The following CHD7 variants were observed in gnomAD, a reference collection of about 807,000 sequenced individuals.
CHD7 encodes chromodomain helicase DNA binding protein 7, also known as ATP-dependent chromatin remodeler CHD7.
CHD7 carries 24 observed loss-of-function variants against 307.3 expected under a neutral mutation model. That is an observed-to-expected ratio of 0.08 (90% CI 0.06 to 0.11). CHD7 has a LOEUF of 0.11. Among genes scored for constraint, CHD7 ranks in the 10% least tolerant of loss-of-function variants. The pLI is 1.00. For missense variants in CHD7, 3,106 were observed against 3,727.1 expected, an observed-to-expected ratio of 0.83 and a Z score of 4.34; for synonymous variants, 1,363 against 1,349.9, an observed-to-expected ratio of 1.01 and a Z score of -0.21.
intron 3 of CHD7, among the ~76,000 whole-genome samples, chr8:60,784,320 T>G (rs1044815464): frequency 1.9e-4 from 29 of 152,322 alleles, no homozygotes; most frequent in African/African-American, 7.0e-4. Context: ...ATGAATTTGT[T>G]TATACAGAAA....
At chr8:60,707,670 C>T (rs996601283) in intron 1 of CHD7, among the ~76,000 whole-genome samples, 1 of 152,142 alleles carries the variant, frequency 6.6e-6, no homozygotes, top group Non-Finnish European at 1.5e-5. Context: ...CTGACACATC[C>T]TATGTACATT....
chr8:60,711,753 GATA>G (rs1454096902), intron 1 of CHD7, among the ~76,000 whole-genome samples: 1 of 152,222 alleles, frequency 6.6e-6, no homozygotes, highest in Non-Finnish European at 1.5e-5. Flanking sequence ...TTTCTAGAGT[GATA>G]ATTATTTAGA....
chr8:60,844,184 A>T (rs774765162), intron 21 of CHD7, among the ~76,000 whole-genome samples: 1 of 152,214 alleles, frequency 6.6e-6, no homozygotes, highest in Non-Finnish European at 1.5e-5. Context: ...TTAGCCTGGG[A>T]TTATAACACA....
At chr8:60,731,720 A>AT (rs1033767447) in intron 1 of CHD7, among the ~76,000 whole-genome samples, 3 of 151,900 alleles carry the variant, frequency 2.0e-5, no homozygotes, top group Admixed American at 6.6e-5. Context: ...TGTTTTCTTC[A>AT]TTTTTTTTCT....
At chr8:60,746,072 G>T (rs556619858) in intron 2 of CHD7, among the ~76,000 whole-genome samples, 2 of 152,238 alleles carry the variant, frequency 1.3e-5, no homozygotes, top group South Asian at 4.1e-4. Context: ...GTCTCACTCT[G>T]TTGCCAGGCT....
At chr8:60,696,459 C>T (rs1806473452) in intron 1 of CHD7, among the ~76,000 whole-genome samples, 1 of 152,140 alleles carries the variant, frequency 6.6e-6, no homozygotes, top group Non-Finnish European at 1.5e-5. Flanking sequence ...CTTAATTGAT[C>T]TAAGACGCAG....
intron 1 of CHD7, among the ~76,000 whole-genome samples, chr8:60,734,128 A>G (rs1296835874): frequency 2.0e-5 from 3 of 152,226 alleles, no homozygotes; most frequent in Admixed American, 1.3e-4. Context: ...TTGCTTTATA[A>G]TATTCTTTGT....
At chr8:60,694,399 T>G (rs979989589) in intron 1 of CHD7, among the ~76,000 whole-genome samples, 2 of 152,220 alleles carry the variant, frequency 1.3e-5, no homozygotes, top group Admixed American at 6.5e-5. Context: ...GTTAACACAC[T>G]TATGACCCTG....
Position 60,852,606 on chromosome 8 carries a change from C to G in CHD7, c.6003C>G (p.Ala2001=). The change falls in exon 30 of 38, where the codon GCC becomes GCG. Residue 2001 remains alanine, a synonymous_variant. Transcript: ENST00000423902. ...QFDWNQFRAF[A]RLDKKSDESL... is the part of the protein sequence containing the mutation. ...ACTGGAACCAATTTAGAGCCTTTGC[C>G]AGGCTTGACAAAAAATCTGATGAGA... 3 of 1,613,890 alleles carry G rather than the reference C, an allele frequency of 1.9e-6. No individual in the cohort carries two copies. Among genetic ancestry groups the G allele is most frequent in the Non-Finnish European group, 2.5e-6 (3 of 1,179,870 alleles).
intron 2 of CHD7, 99 bp downstream of exon 2, chr8:60,743,196 T>C: frequency 1.0e-6 from 1 of 973,316 alleles, no homozygotes; most frequent in Non-Finnish European, 1.6e-6. Context: ...AAAAGCTTTT[T>C]CATTATGAGT....
chr8:60,803,299 G>A (rs1812395502), intron 6 of CHD7, among the ~76,000 whole-genome samples: 1 of 152,128 alleles, frequency 6.6e-6, no homozygotes, highest in African/African-American at 2.4e-5. Context: ...ATACTCAGCA[G>A]GTTTAGGGGT....
intron 7 of CHD7, among the ~76,000 whole-genome samples, chr8:60,814,311 T>C (rs944108182): frequency 6.6e-6 from 1 of 152,260 alleles, no homozygotes; most frequent in African/African-American, 2.4e-5. Flanking sequence ...AGTTCAAGGC[T>C]ACACAGGTGG....
At chr8:60,799,218 T>C (rs1425900351) in intron 4 of CHD7, among the ~76,000 whole-genome samples, 2 of 152,234 alleles carry the variant, frequency 1.3e-5, no homozygotes, top group African/African-American at 2.4e-5. Flanking sequence ...CTTGTTTTTC[T>C]TCTTATTTTA....
intron 2 of CHD7, among the ~76,000 whole-genome samples, chr8:60,779,462 C>G (rs1811101731): frequency 6.6e-6 from 1 of 152,140 alleles, no homozygotes; most frequent in Non-Finnish European, 1.5e-5. Flanking sequence ...CCTGGGGTGG[C>G]CACATCACCT....
In CHD7 at chr8:60,808,286, GA is replaced by G. The variant is rs1435429758; in HGVS notation, c.2498+15del. On this transcript the variant is annotated intron_variant, in intron 7 of 37. Transcript: ENST00000423902. ...ATACAAAAACTTGTAAGTAAATTGT[GA>G]TTCTGTTTTTAATGGGGGGCTATAT... The G allele has an allele frequency of 6.8e-7, 1 of 1,479,888 alleles. No individual in the cohort carries two copies. The highest frequency in any genetic ancestry group is 1.8e-5 in the Admixed American group (1 of 54,634). The allele number at this position is 1,479,888 out of a possible 1,614,324, so 91.7% of individuals were successfully genotyped here. A position where few individuals can be genotyped will look rare whatever the true frequency, so the allele number is the denominator to read the frequency against.
At chr8:60,764,894 G>A (rs1436660894) in intron 2 of CHD7, among the ~76,000 whole-genome samples, 1 of 152,216 alleles carries the variant, frequency 6.6e-6, no homozygotes, top group Non-Finnish European at 1.5e-5. Flanking sequence ...AACAGCAAAT[G>A]TTGCAATATT....
At chr8:60,766,157 G>A (rs1810460037) in intron 2 of CHD7, among the ~76,000 whole-genome samples, 3 of 152,218 alleles carry the variant, frequency 2.0e-5, no homozygotes, top group African/African-American at 7.2e-5. Context: ...CCCTCCTAAA[G>A]GAAGCAAGGG....
chr8:60,699,310 A>T (rs774922623), intron 1 of CHD7, among the ~76,000 whole-genome samples: 2 of 152,160 alleles, frequency 1.3e-5, no homozygotes, highest in Non-Finnish European at 2.9e-5. Context: ...TGTGCTTTGT[A>T]TGAGATGACA....
intron 1 of CHD7, among the ~76,000 whole-genome samples, chr8:60,725,646 A>C (rs1227662998): frequency 6.6e-6 from 1 of 152,220 alleles, no homozygotes; most frequent in Non-Finnish European, 1.5e-5. Flanking sequence ...TTGCAGTTAC[A>C]TTCTGAACCC....
Sources: gnomAD v4.1 joint callset for allele counts (sites outside exome capture counted in the v4.1 genomes callset) on GRCh38, gnomAD v4.1.1 for gene constraint, MANE v1.5 for transcripts, NCBI Gene and HGNC (gene_info 2026-07-23, HGNC 2026-07-21) for gene names.